The following ZNF236 variants were observed in gnomAD, a reference collection of about 807,000 sequenced individuals.
The protein encoded by ZNF236 is zinc finger protein 236, also known as regulated by glucose.
Under a neutral mutation model 191.2 loss-of-function variants are expected in ZNF236, and 50 were observed. The ratio of observed to expected loss-of-function variants is 0.26; its 90% CI spans 0.21 to 0.33. The LOEUF (loss-of-function observed/expected upper bound fraction) is 0.33. ZNF236 is among the 10% of genes least tolerant of loss of function. The pLI is 1.00. For synonymous variants in ZNF236, 907 were observed against 928.8 expected (o/e 0.98, Z 0.43); for missense variants, 1,754 against 2,374.5 (o/e 0.74, Z 5.43).
At chr18:76,889,333 T>TGCCATACATGCTTGGTTAC (rs1461538612) in intron 9 of ZNF236, among the ~76,000 whole-genome samples, 1 of 152,216 alleles carries the variant, frequency 6.6e-6, no homozygotes, top group African/African-American at 2.4e-5. Flanking sequence ...TCTGATGCTC[T>TGCCATACATGCTTGGTTAC]GCCATACATG....
chr18:76,927,111 G>A lies in ZNF236; in HGVS notation c.4102G>A (p.Ala1368Thr). 6.2e-7 allele frequency: 1 copy of A among 1,614,032 alleles called. No homozygotes were observed. Among genetic ancestry groups the A allele is most frequent in the Non-Finnish European group, 8.5e-7 (1 of 1,179,996 alleles). Reference protein sequence around the residue: ...TLEGIQLQLAANLVGPNVQIS... With the variant: ...TLEGIQLQLATNLVGPNVQIS... ...AGAAGGCATCCAGTTACAGTTGGCTGCTAACTTGGTTGGACCAAATGTACA... is the reference window on the plus strand; with the variant it reads ...AGAAGGCATCCAGTTACAGTTGGCTACTAACTTGGTTGGACCAAATGTACA... Residue 1368 changes from alanine to threonine, a missense_variant, in exon 23 of 31, where the codon GCT becomes ACT. Around this residue, in one of 5 missense-constraint regions of ZNF236, gnomAD observed 606 missense variants for 761.5 expected, o/e 0.80. Transcript: ENST00000320610. This position sits in a 1 kb window ranked among gnomAD's most constrained non-coding sequence, Gnocchi z 5.4.
At chr18:76,837,661 C>T (rs1417076576) in intron 1 of ZNF236, among the ~76,000 whole-genome samples, 5 of 151,770 alleles carry the variant, frequency 3.3e-5, no homozygotes, top group Non-Finnish European at 5.9e-5. Context: ...AGGCTGGTCT[C>T]GAACTCCTAA....
intron 30 of ZNF236, among the ~76,000 whole-genome samples, chr18:76,964,594 G>A (rs1968731840): frequency 6.6e-6 from 1 of 152,178 alleles, no homozygotes; most frequent in African/African-American, 2.4e-5. Context: ...CCAAGGTATA[G>A]TTTAAATCCA....
intron 3 of ZNF236, among the ~76,000 whole-genome samples, chr18:76,858,302 G>A (rs1220123091): frequency 3.3e-5 from 5 of 152,144 alleles, no homozygotes; most frequent in African/African-American, 1.2e-4. Context: ...TAGTACAATG[G>A]ATATTTGTAT....
intron 9 of ZNF236, 110 bp downstream of exon 9, chr18:76,881,622 T>A: frequency 1.0e-6 from 1 of 973,352 alleles, no homozygotes; most frequent in South Asian, 1.7e-5. Context: ...GTTTGTTGAA[T>A]GTTTTGTAGC....
At chr18:76,913,431 T>C (rs1967270620) in intron 17 of ZNF236, among the ~76,000 whole-genome samples, 2 of 152,226 alleles carry the variant, frequency 1.3e-5, no homozygotes, top group African/African-American at 2.4e-5. Flanking sequence ...TTTCTTCCTA[T>C]TATGCTTAGA....
chr18:76,957,821 T>C (rs947639579), intron 28 of ZNF236, among the ~76,000 whole-genome samples: 2 of 152,126 alleles, frequency 1.3e-5, no homozygotes, highest in African/African-American at 4.8e-5. Flanking sequence ...CCCACAACTC[T>C]AAAAACCCTG....
intron 25 of ZNF236, among the ~76,000 whole-genome samples, chr18:76,928,623 A>G (rs1219810206): frequency 2.0e-5 from 3 of 152,156 alleles, no homozygotes; most frequent in Non-Finnish European, 4.4e-5. Flanking sequence ...TGGCAATCTA[A>G]TTCTCTCTGC....
intron 13 of ZNF236, 98 bp downstream of exon 13, chr18:76,905,513 T>C (rs1242027816): frequency 1.6e-5 from 20 of 1,262,282 alleles, no homozygotes; most frequent in Non-Finnish European, 2.2e-5. Flanking sequence ...ATTCTTACAT[T>C]ATTATTTCTA....
chr18:76,852,448 G>C (rs989145310), intron 3 of ZNF236, among the ~76,000 whole-genome samples: 12 of 152,156 alleles, frequency 7.9e-5, no homozygotes, highest in Non-Finnish European at 1.5e-4. Flanking sequence ...GAGGATGACA[G>C]GCCACAGTGC....
At chr18:76,888,203 C>G (rs1977116921) in intron 9 of ZNF236, among the ~76,000 whole-genome samples, 1 of 152,136 alleles carries the variant, frequency 6.6e-6, no homozygotes, top group South Asian at 2.1e-4. Flanking sequence ...AACCCCATCT[C>G]TGCAAAAAAA....
intron 1 of ZNF236, chr18:76,824,422 G>A (rs1327649320): frequency 1.3e-6 from 1 of 781,108 alleles, no homozygotes; most frequent in East Asian, 2.4e-5. Flanking sequence ...CAGATTTGTA[G>A]TTGGATAACA....
At chr18:76,913,022 G>A (rs1347638687) in intron 17 of ZNF236, among the ~76,000 whole-genome samples, 2 of 152,232 alleles carry the variant, frequency 1.3e-5, no homozygotes, top group African/African-American at 4.8e-5. Context: ...GACTTGAGAG[G>A]AAAGTTAGTT....
rs962089548 is a variant in ZNF236, at chr18:76,970,996, T to G, written c.*2657T>G. ...TTCCTGTTCCCTTTCATTTGCTGCTTTATTCAACGGCACCCAGTCATTGAG... is the reference window on the plus strand; with the variant it reads ...TTCCTGTTCCCTTTCATTTGCTGCTGTATTCAACGGCACCCAGTCATTGAG... On this transcript the variant is annotated 3_prime_UTR_variant, in exon 31 of 31. Coordinates refer to ENST00000320610, the MANE Select transcript of ZNF236 (RefSeq NM_001306089.2). 2.0e-5 allele frequency among the ~76,000 whole-genome samples: 3 copies of G among 152,268 alleles called. No homozygotes were observed. The highest frequency in any genetic ancestry group is 4.4e-5 in the Non-Finnish European group (3 of 68,044).
intron 9 of ZNF236, chr18:76,888,382 A>T (rs898627124): frequency 2.0e-5 from 3 of 152,558 alleles, no homozygotes; most frequent in African/African-American, 7.2e-5. Context: ...ACAAACAAAC[A>T]CTTAGGCTGT....
chr18:76,823,069 T>A (rs371802791), intron 1 of ZNF236, among the ~76,000 whole-genome samples: 14 of 150,200 alleles, frequency 9.3e-5, no homozygotes, highest in African/African-American at 3.4e-4. Flanking sequence ...GGAGGCGGCC[T>A]GGCCAGAGCC....
chr18:76,934,393 C>A (rs541529734), intron 25 of ZNF236, among the ~76,000 whole-genome samples: 2 of 152,174 alleles, frequency 1.3e-5, no homozygotes, highest in Non-Finnish European at 2.9e-5. Flanking sequence ...AGAAGCAGAT[C>A]GTAGTCTTGA....
chr18:76,931,463 G>A (rs890999483), intron 25 of ZNF236, among the ~76,000 whole-genome samples: 1 of 152,170 alleles, frequency 6.6e-6, no homozygotes, highest in Non-Finnish European at 1.5e-5. Flanking sequence ...AGCCATGAAA[G>A]TAAATAATTT....
intron 3 of ZNF236, among the ~76,000 whole-genome samples, chr18:76,855,791 A>C (rs1599335368): frequency 6.6e-6 from 1 of 152,106 alleles, no homozygotes; most frequent in Admixed American, 6.5e-5. Context: ...TTGTGAGTAG[A>C]GGATGCTGCC....
Sources: allele counts gnomAD v4.1 joint callset (sites outside exome capture counted in the v4.1 genomes callset), GRCh38; gene constraint gnomAD v4.1.1; regional missense constraint gnomAD v4.1.1; non-coding constraint Gnocchi (gnomAD v3.1); transcripts MANE v1.5; gene names NCBI Gene and HGNC (gene_info 2026-07-23, HGNC 2026-07-21).